AGBL1: variants seen among roughly 807,000 people sequenced by gnomAD.
AGBL1 encodes cytosolic carboxypeptidase 4.
Under a neutral mutation model 118.9 loss-of-function variants are expected in AGBL1, and 130 were observed. The ratio of observed to expected loss-of-function variants is 1.09; its 90% CI spans 0.95 to 1.26. AGBL1 has a LOEUF of 1.26. Ranked by LOEUF, AGBL1 falls within the 50% of genes most tolerant of loss-of-function variation. The pLI is 0.00. For missense variants in AGBL1, 1,584 were observed against 1,298.1 expected, an observed-to-expected ratio of 1.22 and a Z score of -3.38; for synonymous variants, 555 against 478.9, an observed-to-expected ratio of 1.16 and a Z score of -2.08.
intron 22 of AGBL1, among the ~76,000 whole-genome samples, chr15:86,787,840 T>C (rs1032713579): frequency 1.3e-5 from 2 of 152,198 alleles, no homozygotes; most frequent in African/African-American, 4.8e-5. Context: ...TCCAAGAATG[T>C]TTTATCAATA....
intron 17 of AGBL1, among the ~76,000 whole-genome samples, chr15:86,384,048 C>A (rs1260883476): frequency 1.3e-5 from 2 of 152,142 alleles, no homozygotes; most frequent in African/African-American, 4.8e-5. Context: ...CTTCGTGGAG[C>A]ATGTCACGGT....
intron 23 of AGBL1, among the ~76,000 whole-genome samples, chr15:86,962,438 A>C (rs2081002178): frequency 6.6e-6 from 1 of 152,060 alleles, no homozygotes; most frequent in Admixed American, 6.6e-5. Flanking sequence ...TCTTTTTTTT[A>C]ATCATATGTC....
chr15:86,752,137 C>G (rs2077863803), intron 22 of AGBL1, among the ~76,000 whole-genome samples: 1 of 152,092 alleles, frequency 6.6e-6, no homozygotes, highest in Non-Finnish European at 1.5e-5. Flanking sequence ...GGTGGACATT[C>G]TAGAACCTCT....
chr15:86,136,601 A>G (rs1316259094), intron 1 of AGBL1, among the ~76,000 whole-genome samples: 1 of 152,234 alleles, frequency 6.6e-6, no homozygotes, highest in African/African-American at 2.4e-5. Context: ...ATGATGCTTA[A>G]GCCTGCATCA....
intron 22 of AGBL1, among the ~76,000 whole-genome samples, chr15:86,740,054 A>G (rs1411880831): frequency 6.6e-6 from 1 of 152,226 alleles, no homozygotes; most frequent in Non-Finnish European, 1.5e-5. Flanking sequence ...ACCTCACTTT[A>G]AAGAGGCAAT....
intron 22 of AGBL1, among the ~76,000 whole-genome samples, chr15:86,903,647 A>T (rs1178768531): frequency 6.6e-6 from 1 of 152,154 alleles, no homozygotes; most frequent in East Asian, 1.9e-4. Context: ...CTCTGACACC[A>T]TTCACACAAC....
At chr15:86,318,258 C>G (rs912605741) in intron 17 of AGBL1, among the ~76,000 whole-genome samples, 23 of 152,098 alleles carry the variant, frequency 1.5e-4, no homozygotes, top group Admixed American at 1.3e-4. Flanking sequence ...AAATAAATAC[C>G]TATTTGCCCA....
chr15:86,279,620 TCTC>T lies in AGBL1; in HGVS notation c.2076-12_2076-10del, dbSNP rs772969938. 4.7e-5 allele frequency: 75 copies of T among 1,611,310 alleles called. No homozygotes were observed. Among genetic ancestry groups the T allele is most frequent in the Middle Eastern group, 1.6e-4 (1 of 6,072 alleles). ...CCACCTCTCCCTTATTCTCTTCTCT[TCTC>T]CTCCTCTCTCTTTAGAAATCATTAT... On this transcript the variant is annotated splice_polypyrimidine_tract_variant and intron_variant, in intron 15 of 22. Coordinates refer to ENST00000614907, the MANE Select transcript of AGBL1 (RefSeq NM_001386094.1).
chr15:86,862,850 G>C (rs969653034), intron 22 of AGBL1, among the ~76,000 whole-genome samples: 2 of 152,224 alleles, frequency 1.3e-5, no homozygotes, highest in African/African-American at 4.8e-5. Context: ...GAAATTATCA[G>C]AAGAGGAAAG....
intron 20 of AGBL1, among the ~76,000 whole-genome samples, chr15:86,552,104 A>T (rs921129203): frequency 6.6e-6 from 1 of 152,194 alleles, no homozygotes; most frequent in Non-Finnish European, 1.5e-5. Context: ...GTACAACACC[A>T]AAAGTGAAGA....
Position 86,915,526 on chromosome 15 carries a change from C to T in AGBL1, c.*8232C>T, listed in dbSNP as rs2080409027. On this transcript the variant is annotated 3_prime_UTR_variant, in exon 23 of 23. Transcript: ENST00000614907. ...CCATTATGTGCTTAAATGTAGGCTC[C>T]TCCAAGAAGTCTCCCATGATCTGAT... is the stretch of plus-strand genomic sequence containing the variant. 6.6e-6 allele frequency: 1 copy of T among 152,170 alleles called. No individual in the cohort carries two copies. Among genetic ancestry groups the T allele is most frequent in the Admixed American group, 6.6e-5 (1 of 15,266 alleles). 9.4% of individuals were successfully genotyped at this position (152,170 alleles called of 1,614,324 possible).
chr15:86,730,576 T>A (rs936477358), intron 22 of AGBL1, among the ~76,000 whole-genome samples: 1 of 152,224 alleles, frequency 6.6e-6, no homozygotes, highest in Non-Finnish European at 1.5e-5. Context: ...TATTAGTGTT[T>A]CCACAGTTAA....
chr15:86,121,572 T>C (rs1173838281), intron 1 of AGBL1, among the ~76,000 whole-genome samples: 1 of 152,204 alleles, frequency 6.6e-6, no homozygotes, highest in Non-Finnish European at 1.5e-5. Flanking sequence ...TTGCAAGTTG[T>C]AGGGGTGATT....
intron 24 of AGBL1, among the ~76,000 whole-genome samples, chr15:87,006,049 C>G (rs755846367): frequency 6.6e-6 from 1 of 152,192 alleles, no homozygotes; most frequent in Non-Finnish European, 1.5e-5. Context: ...GATCTTTCCT[C>G]TGGAGGTTTT....
At chr15:86,903,338 C>T (rs1319117550) in intron 22 of AGBL1, among the ~76,000 whole-genome samples, 1 of 151,840 alleles carries the variant, frequency 6.6e-6, no homozygotes, top group Admixed American at 6.6e-5. Flanking sequence ...CTCAACTCTC[C>T]AGTTTCCATT....
chr15:86,170,526 G>A (rs910218261), intron 5 of AGBL1, among the ~76,000 whole-genome samples: 10 of 151,988 alleles, frequency 6.6e-5, no homozygotes, highest in South Asian at 2.1e-4. Context: ...TGAAAAAAAC[G>A]ACTTCAAGGA....
chr15:86,780,819 C>T (rs962112393), intron 22 of AGBL1, among the ~76,000 whole-genome samples: 6 of 152,086 alleles, frequency 3.9e-5, no homozygotes, highest in African/African-American at 1.2e-4. Flanking sequence ...AGGCATGTGC[C>T]ACCACACCTG....
chr15:86,751,286 G>A (rs2077847746), intron 22 of AGBL1, among the ~76,000 whole-genome samples: 2 of 152,014 alleles, frequency 1.3e-5, no homozygotes, highest in Admixed American at 6.6e-5. Context: ...GCCAGCATCT[G>A]TTATTTTTTG....
intron 22 of AGBL1, among the ~76,000 whole-genome samples, chr15:86,835,309 A>G (rs2079156506): frequency 6.6e-6 from 1 of 152,158 alleles, no homozygotes; most frequent in East Asian, 1.9e-4. Flanking sequence ...AGAAGACATG[A>G]TCTAGTTGCT....
Sources: allele counts gnomAD v4.1 joint callset (sites outside exome capture counted in the v4.1 genomes callset), GRCh38; gene constraint gnomAD v4.1.1; transcripts MANE v1.5; gene names NCBI Gene and HGNC (gene_info 2026-07-23, HGNC 2026-07-21).